Variants in YPEL4 observed in about 807,000 individuals in gnomAD.
YPEL4 encodes the protein protein yippee-like 4.
In YPEL4, 5 loss-of-function variants were observed where a neutral mutation model predicts 16.3. The observed-to-expected ratio is 0.31, with a 90% confidence interval of 0.16 to 0.64. The LOEUF is 0.64. Among genes scored for constraint, YPEL4 ranks in the 30% least tolerant of loss-of-function variants. The pLI is 0.79. For synonymous variants in YPEL4, 61 were observed against 60.7 expected (o/e 1.00, Z -0.02); for missense variants, 127 against 170.0 (o/e 0.75, Z 1.41).
intron 4 of YPEL4, 59 bp downstream of exon 4, chr11:57,646,237 TG>T: frequency 6.3e-7 from 1 of 1,594,048 alleles, no homozygotes; most frequent in Non-Finnish European, 8.6e-7. Flanking sequence ...TGGTCACTGG[TG>T]CTTGAAGGGC....
rs1053307345 is a variant in YPEL4 at position 57,645,406 on chromosome 11, C to T, written c.*575G>A. 6.5e-6 allele frequency: 1 copy of T among 153,822 alleles called. No individual in the cohort carries two copies. Among genetic ancestry groups the T allele is most frequent in the African/African-American group, 2.4e-5 (1 of 41,446 alleles). 9.5% of individuals were successfully genotyped at this position (153,822 alleles called of 1,614,324 possible). Reference sequence around the variant, plus strand: ...AACAAGTGGAGTGAAATGGAAAACCCTTTGATTATTTTACTATTTCCCAGG... The same window carrying T: ...AACAAGTGGAGTGAAATGGAAAACCTTTTGATTATTTTACTATTTCCCAGG... On this transcript the variant is annotated 3_prime_UTR_variant, in exon 5 of 5. Transcript: ENST00000300022.
intron 1 of YPEL4, chr11:57,648,578 C>G (rs1321819583): frequency 3.3e-5 from 5 of 152,370 alleles, no homozygotes; most frequent in African/African-American, 4.8e-5. Flanking sequence ...GCAGTGTTGG[C>G]TCTGGTTAGC....
At chr11:57,646,678 C>A in intron 3 of YPEL4, 73 bp downstream of exon 3, 2 of 1,587,458 alleles carry the variant, frequency 1.3e-6, no homozygotes, top group Non-Finnish European at 8.6e-7. Flanking sequence ...GGATTCCCCC[C>A]TTTCTCCACA....
Position 57,646,736 on chromosome 11 carries a change from AAG to A in YPEL4, c.185+13_185+14del, listed in dbSNP as rs1410943912. 6 of 1,613,708 alleles carry A rather than the reference AAG, an allele frequency of 3.7e-6. No homozygotes were observed. Among genetic ancestry groups the A allele is most frequent in the African/African-American group, 1.3e-5 (1 of 75,048 alleles). On this transcript the variant is annotated intron_variant, in intron 3 of 4. Coordinates refer to ENST00000300022, the MANE Select transcript of YPEL4 (RefSeq NM_145008.3). ...ACAAGCACAAGCACACGCACAAGGA[AAG>A]AGGTAGACTCACACGGAGTTAAACA...
rs1945735305 is a variant in YPEL4, at chr11:57,646,773, G to T, written c.163C>A (p.Arg55=). 1 of 1,613,896 alleles carries T rather than the reference G, an allele frequency of 6.2e-7. No individual in the cohort carries two copies. Among genetic ancestry groups the T allele is most frequent in the African/African-American group, 1.3e-5 (1 of 75,024 alleles). Residue 55 remains arginine (R), a synonymous_variant, in exon 3 of 5, where the codon CGA becomes AGA. Coordinates refer to ENST00000300022, the MANE Select transcript of YPEL4 (RefSeq NM_145008.3). ...ISKSFQGSHG[R]AYLFNSVVNV... Reference sequence around the variant, plus strand: ...CACACGGAGTTAAACAGGTAGGCTCGGCCATGGCTCCCTTGGAAGGACTGT... The same window carrying T: ...CACACGGAGTTAAACAGGTAGGCTCTGCCATGGCTCCCTTGGAAGGACTGT...
rs1225066751 is a variant in YPEL4 at position 57,645,852 on chromosome 11, C to T, written c.*129G>A. The stretch of plus-strand genomic sequence containing the variant: ...TGCCTGGTAGTGGATATGGTGGAGG[C>T]AGGGGAGGGGTTGGTTGGAGCCAGG... On this transcript the variant is annotated 3_prime_UTR_variant, in exon 5 of 5. Coordinates refer to ENST00000300022, the MANE Select transcript of YPEL4 (RefSeq NM_145008.3). 2.4e-6 allele frequency: 2 copies of T among 822,526 alleles called. No individual in the cohort carries two copies. The highest frequency in any genetic ancestry group is 3.8e-6 in the Non-Finnish European group (2 of 521,136). 51.0% of individuals were successfully genotyped at this position (822,526 alleles called of 1,614,324 possible).
At chr11:57,646,153 G>A (rs1314857611) in intron 4 of YPEL4, 83 bp from the exon 5 acceptor site, 11 of 1,577,538 alleles carry the variant, frequency 7.0e-6, no homozygotes, top group Non-Finnish European at 9.6e-6. Context: ...CCCACCCCAA[G>A]GGTCATCCAC....
chr11:57,646,702 C>T (rs1388070257), intron 3 of YPEL4, 49 bp downstream of exon 3: 2 of 1,606,296 alleles, frequency 1.2e-6, no homozygotes, highest in East Asian at 4.5e-5. Flanking sequence ...GAAAATTACT[C>T]ACTCACACAC....
chr11:57,646,061 A>C lies in YPEL4; in HGVS notation c.304T>G (p.Phe102Val). 6.2e-7 allele frequency: 1 copy of C among 1,614,148 alleles called. No homozygotes were observed. Among genetic ancestry groups the C allele is most frequent in the East Asian group, 2.2e-5 (1 of 44,886 alleles). Residue 102 changes from phenylalanine to valine, a missense_variant, in exon 5 of 5, where the codon TTT becomes GTT. By Grantham distance (50) the Phe-to-Val change is conservative. Coordinates refer to ENST00000300022, the MANE Select transcript of YPEL4 (RefSeq NM_145008.3). ...TCCTTGTACTTCTGGCTCGTCTCAAAAGCTTGCTCCTGGTGAAGGAGAAAG... is the reference window on the plus strand; with the variant it reads ...TCCTTGTACTTCTGGCTCGTCTCAACAGCTTGCTCCTGGTGAAGGAGAAAG... Reference protein sequence around the residue: ...TTLGWKYEQAFETSQKYKEGK... With the variant: ...TTLGWKYEQAVETSQKYKEGK...
At chr11:57,646,200 T>G (rs1056495063) in intron 4 of YPEL4, 97 bp downstream of exon 4, 1 of 1,572,076 alleles carries the variant, frequency 6.4e-7, no homozygotes, top group African/African-American at 1.4e-5. Context: ...TCTTTCCTCT[T>G]TGGACCATGC....
rs191605327 is a variant in YPEL4 at position 57,648,772 on chromosome 11, A to G, written c.-185+913T>C. ...CACCTTGGGCTGAGTTCAGGGTGAC[A>G]TTGGGCTCCGGCTGCAGGAAACGGG... On this transcript the variant is annotated intron_variant, in intron 1 of 4. Coordinates refer to ENST00000300022, the MANE Select transcript of YPEL4 (RefSeq NM_145008.3). 3 of 152,550 alleles carry G rather than the reference A, an allele frequency of 2.0e-5. No homozygotes were observed. The East Asian group carries it at 5.8e-4, about 29-fold the overall frequency. 9.4% of individuals were successfully genotyped at this position (152,550 alleles called of 1,614,324 possible). A position where few individuals can be genotyped will look rare whatever the true frequency, so the allele number is the denominator to read the frequency against.
intron 1 of YPEL4, 177 bp downstream of exon 1, chr11:57,649,508 C>G (rs1221727090): frequency 6.6e-6 from 1 of 151,908 alleles, no homozygotes; most frequent in Non-Finnish European, 1.5e-5. Context: ...CGGGAATCGT[C>G]AGAGCTTGGA....
In YPEL4 at chr11:57,647,065, TG is replaced by T; in HGVS notation, c.42del (p.Thr15ProfsTer68). The part of the protein sequence containing the change: ...CDPGPGPACL[P>X]TKTFRSYLPR... ...GGCAGATAGCTGCGGAAAGTCTTGG[TG>T]GGGAGGCAGGCAGGGCCCGGACCGG... On this transcript the variant is annotated frameshift_variant, in exon 2 of 5. Coordinates refer to ENST00000300022, the MANE Select transcript of YPEL4 (RefSeq NM_145008.3). LOFTEE classifies it high-confidence loss of function. The surrounding 1 kb of genome is among the most constrained non-coding windows in gnomAD (Gnocchi z 4.2). 6.3e-7 allele frequency: 1 copy of T among 1,595,772 alleles called. No individual in the cohort carries two copies. Among genetic ancestry groups the T allele is most frequent in the Non-Finnish European group, 8.5e-7 (1 of 1,172,676 alleles).
Position 57,647,420 on chromosome 11 carries a change from A to C in YPEL4, c.-184-129T>G. 2 of 239,128 alleles carry C rather than the reference A, an allele frequency of 8.4e-6. No homozygotes were observed. Among genetic ancestry groups the C allele is most frequent in the Non-Finnish European group, 8.0e-6 (1 of 124,412 alleles). 14.8% of individuals were successfully genotyped at this position (239,128 alleles called of 1,614,324 possible). A position where few individuals can be genotyped will look rare whatever the true frequency, so the allele number is the denominator to read the frequency against. On this transcript the variant is annotated intron_variant, in intron 1 of 4. Coordinates refer to ENST00000300022, the MANE Select transcript of YPEL4 (RefSeq NM_145008.3). This position sits in a 1 kb window ranked among gnomAD's most constrained non-coding sequence, Gnocchi z 4.2. ...CCATCACCATCGACCCCCCCACAGC[A>C]TCCAGTTGCATTGTCGCCCTGTCCC...
rs935682177 is a variant in YPEL4 at position 57,647,388 on chromosome 11, A to G, written c.-184-97T>C. 7.8e-5 allele frequency: 26 copies of G among 332,160 alleles called. No homozygotes were observed. The highest frequency in any genetic ancestry group is 5.6e-4 in the African/African-American group (26 of 46,698). The allele number at this position is 332,160 out of a possible 1,614,324, so 20.6% of individuals were successfully genotyped here. A position where few individuals can be genotyped will look rare whatever the true frequency, so the allele number is the denominator to read the frequency against. ...AGGGAATCAGCTCACCCATACCTCT[A>G]CTTTCCCCATCACCATCGACCCCCC... On this transcript the variant is annotated intron_variant, in intron 1 of 4. Transcript: ENST00000300022. This position sits in a 1 kb window ranked among gnomAD's most constrained non-coding sequence, Gnocchi z 4.2.
rs1945721445 is a variant in YPEL4 at position 57,645,606 on chromosome 11, G to C, written c.*375C>G. ...ATGATCTACTTGCCCTGTGACCCAA[G>C]GTTTGTCCTCTGTTCACTCAAAAAG... On this transcript the variant is annotated 3_prime_UTR_variant, in exon 5 of 5. Transcript: ENST00000300022. 4.5e-6 allele frequency: 1 copy of C among 220,510 alleles called. No homozygotes were observed. The allele number at this position is 220,510 out of a possible 1,614,324, so 13.7% of individuals were successfully genotyped here.
Position 57,645,851 on chromosome 11 carries a change from GCAGGGGAGGGGTTGGTTGGAGC to G in YPEL4, c.*108_*129del, listed in dbSNP as rs1344451723. The G allele has an allele frequency of 8.6e-6, 7 of 813,948 alleles. No homozygotes were observed. Among genetic ancestry groups the G allele is most frequent in the Non-Finnish European group, 1.4e-5 (7 of 513,534 alleles). 50.4% of individuals were successfully genotyped at this position (813,948 alleles called of 1,614,324 possible). ...GTGCCTGGTAGTGGATATGGTGGAG[GCAGGGGAGGGGTTGGTTGGAGC>G]CAGGTTTCCCCCAGGGGTGGGGCAG... On this transcript the variant is annotated 3_prime_UTR_variant, in exon 5 of 5. Coordinates refer to ENST00000300022, the MANE Select transcript of YPEL4 (RefSeq NM_145008.3).
chr11:57,647,546 TCCA>T lies in YPEL4; in HGVS notation c.-184-258_-184-256del, dbSNP rs1945747259. 1 of 155,216 alleles carries T rather than the reference TCCA, an allele frequency of 6.4e-6. No homozygotes were observed. Among genetic ancestry groups the T allele is most frequent in the African/African-American group, 2.4e-5 (1 of 41,622 alleles). 9.6% of individuals were successfully genotyped at this position (155,216 alleles called of 1,614,324 possible). A position where few individuals can be genotyped will look rare whatever the true frequency, so the allele number is the denominator to read the frequency against. On this transcript the variant is annotated intron_variant, in intron 1 of 4. Coordinates refer to ENST00000300022, the MANE Select transcript of YPEL4 (RefSeq NM_145008.3). This position sits in a 1 kb window ranked among gnomAD's most constrained non-coding sequence, Gnocchi z 4.2. Reference sequence around the variant, plus strand: ...TCTCCCTCCTGGGGCAGAAGCAGCCTCCACCATTTTCCACAGAGAGAAGCCCAC... The same window carrying T: ...TCTCCCTCCTGGGGCAGAAGCAGCCTCCATTTTCCACAGAGAGAAGCCCAC...
chr11:57,646,126 C>T (rs778751857), intron 4 of YPEL4, 56 bp from the exon 5 acceptor site: 2 of 1,600,820 alleles, frequency 1.2e-6, no homozygotes, highest in African/African-American at 1.3e-5. Flanking sequence ...CCAGGCCCCA[C>T]TGTCACCTGT....
Sources: allele counts gnomAD v4.1 joint callset, GRCh38; gene constraint gnomAD v4.1.1; non-coding constraint Gnocchi (gnomAD v3.1); transcripts MANE v1.5; gene names NCBI Gene and HGNC (gene_info 2026-07-23, HGNC 2026-07-21).